The following EMID1 variants were observed in gnomAD, a reference collection of about 807,000 sequenced individuals.
The protein encoded by EMID1 is EMI domain containing 1.
Under a neutral mutation model 60.6 loss-of-function variants are expected in EMID1, and 40 were observed. The ratio of observed to expected loss-of-function variants is 0.66; its 90% CI spans 0.51 to 0.86. EMID1 has a LOEUF of 0.86. Among genes scored for constraint, EMID1 ranks in the 40% least tolerant of loss-of-function variants. The pLI, the probability that EMID1 is intolerant of heterozygous loss-of-function variation, is 0.00. For missense variants in EMID1, 585 were observed against 597.1 expected, an observed-to-expected ratio of 0.98 and a Z score of 0.21; for synonymous variants, 242 against 231.0, an observed-to-expected ratio of 1.05 and a Z score of -0.43.
chr22:29,206,059 G>A lies in EMID1; in HGVS notation c.21G>A (p.Trp7Ter), dbSNP rs2146058902. 8.1e-7 allele frequency: 1 copy of A among 1,229,398 alleles called. No homozygotes were observed. Among genetic ancestry groups the A allele is most frequent in the South Asian group, 4.1e-5 (1 of 24,300 alleles). The allele number at this position is 1,229,398 out of a possible 1,614,324, so 76.2% of individuals were successfully genotyped here. The stretch of plus-strand genomic sequence containing the variant: ...GCAGCATGGGCGGCCCGCGGGCTTG[G>A]GCGCTGCTCTGCCTCGGGCTCCTGC... Reference protein sequence around the residue: MGGPRAWALLCLGLLLP... With the variant: MGGPRA Residue 7 changes from tryptophan to a stop codon, truncating the protein, a stop_gained, in exon 1 of 15, where the codon TGG (tryptophan) becomes TGA (stop). Coordinates refer to ENST00000334018, the MANE Select transcript of EMID1 (RefSeq NM_133455.4). LOFTEE classifies it high-confidence loss of function.
At chr22:29,231,768 T>A in intron 7 of EMID1, 86 bp downstream of exon 7, 1 of 1,295,322 alleles carries the variant, frequency 7.7e-7, no homozygotes, top group African/African-American at 1.5e-5. Flanking sequence ...ATGGCCAGGA[T>A]GACCTGGGCC....
chr22:29,253,917 C>T, intron 13 of EMID1: 11 of 985,486 alleles, frequency 1.1e-5, no homozygotes, highest in South Asian at 4.7e-5. Flanking sequence ...AGATTGGCTC[C>T]CCCTGCCTTC....
intron 13 of EMID1, among the ~76,000 whole-genome samples, chr22:29,250,655 C>T (rs1442549445): frequency 4.0e-5 from 6 of 149,094 alleles, no homozygotes; most frequent in African/African-American, 1.5e-4. Context: ...CAACCTCTGC[C>T]TCCCAGGTTC....
At chr22:29,211,861 C>T (rs1418506029) in intron 1 of EMID1, among the ~76,000 whole-genome samples, 2 of 152,246 alleles carry the variant, frequency 1.3e-5, no homozygotes, top group African/African-American at 4.8e-5. Flanking sequence ...GCCTCTGAAC[C>T]CCCTTAACCT....
chr22:29,233,804 C>T, intron 10 of EMID1, 138 bp downstream of exon 10: 3 of 881,728 alleles, frequency 3.4e-6, no homozygotes, highest in Non-Finnish European at 5.2e-6. Context: ...ATTCATTCAA[C>T]AAGTATTTAT....
chr22:29,211,744 T>C (rs1252103806), intron 1 of EMID1, among the ~76,000 whole-genome samples: 2 of 152,224 alleles, frequency 1.3e-5, no homozygotes, highest in Non-Finnish European at 2.9e-5. Flanking sequence ...CTTTCCTGTC[T>C]CCAGAGCTTC....
intron 10 of EMID1, 120 bp from the exon 11 acceptor site, chr22:29,234,017 T>C: frequency 5.4e-6 from 6 of 1,111,888 alleles, no homozygotes; most frequent in South Asian, 3.1e-5. Context: ...GCTGGGTGTA[T>C]GGTGAAGAAC....
In EMID1 at chr22:29,232,280, C is replaced by CTGG; in HGVS notation, c.702_704dup (p.Gly235dup). On this transcript the variant is annotated inframe_insertion, in exon 8 of 15. Coordinates refer to ENST00000334018, the MANE Select transcript of EMID1 (RefSeq NM_133455.4). ...GGTCCACAGGGCCCCCCAGGGAGCC[C>CTGG]TGGCCGGGCTGGAGCTGTGGGCACC... is the stretch of plus-strand genomic sequence containing the variant. 1 of 1,611,548 alleles carries CTGG rather than the reference C, an allele frequency of 6.2e-7. No homozygotes were observed. Among genetic ancestry groups the CTGG allele is most frequent in the South Asian group, 1.1e-5 (1 of 91,028 alleles).
chr22:29,228,371 C>T (rs2040608265), intron 5 of EMID1, among the ~76,000 whole-genome samples: 2 of 151,940 alleles, frequency 1.3e-5, no homozygotes, highest in African/African-American at 4.8e-5. Context: ...TTAAAAAGTA[C>T]AACATTCTAA....
chr22:29,221,067 GTGTGTGT>G (rs2040274480), intron 3 of EMID1, among the ~76,000 whole-genome samples: 1 of 1,184 alleles, frequency 8.4e-4, no homozygotes, highest in Admixed American at 0.014. Context: ...GGGTGGGAAC[GTGTGTGT>G]GTGTGTGTGT....
chr22:29,242,105 T>C (rs1196731001), intron 12 of EMID1, among the ~76,000 whole-genome samples: 1 of 152,082 alleles, frequency 6.6e-6, no homozygotes, highest in East Asian at 1.9e-4. Flanking sequence ...TGTTTTTTCA[T>C]TTTTAGTAGA....
chr22:29,250,818 C>T (rs967312112), intron 13 of EMID1, among the ~76,000 whole-genome samples: 26 of 139,604 alleles, frequency 1.9e-4, no homozygotes, highest in African/African-American at 6.9e-4. Context: ...TGGTCTCAAA[C>T]TCCTGACCTC....
intron 5 of EMID1, among the ~76,000 whole-genome samples, chr22:29,226,894 C>G (rs984706672): frequency 3.3e-5 from 5 of 152,152 alleles, no homozygotes; most frequent in Non-Finnish European, 7.3e-5. Context: ...TGAGCTCCCT[C>G]CCATGGGGCT....
At chr22:29,242,781 A>G (rs973510944) in intron 12 of EMID1, among the ~76,000 whole-genome samples, 1 of 152,210 alleles carries the variant, frequency 6.6e-6, no homozygotes, top group African/African-American at 2.4e-5. Context: ...ATCCTGAGAT[A>G]GGGTCTTTCT....
chr22:29,215,865 G>T (rs758005109), intron 3 of EMID1, among the ~76,000 whole-genome samples: 20 of 152,260 alleles, frequency 1.3e-4, no homozygotes, highest in Non-Finnish European at 2.6e-4. Context: ...TATATATGCT[G>T]CATAGCTCAC....
chr22:29,251,382 A>AT lies in EMID1; in HGVS notation c.1120-2805dup, dbSNP rs59254675. ...CAGACGTGAGCCACTGCATCTGGCC[A>AT]TTTTTTTTTTTTTTTTAGAGATGGG... On this transcript the variant is annotated intron_variant, in intron 13 of 14. Transcript: ENST00000334018. 7.2e-4 allele frequency among the ~76,000 whole-genome samples: 103 copies of AT among 143,436 alleles called. 1 individual carries two copies. Among genetic ancestry groups the AT allele is most frequent in the African/African-American group, 2.3e-3 (91 of 38,970 alleles). The allele number at this position is 143,436 out of a possible 152,430, so 94.1% of individuals were successfully genotyped here.
chr22:29,228,949 G>C (rs2040629105), intron 5 of EMID1, among the ~76,000 whole-genome samples: 6 of 151,752 alleles, frequency 4.0e-5, no homozygotes, highest in Admixed American at 3.9e-4. Context: ...AGAGAAATTT[G>C]AAAACCAGGC....
intron 12 of EMID1, 69 bp downstream of exon 12, chr22:29,234,418 C>A: frequency 6.5e-7 from 1 of 1,537,752 alleles, no homozygotes; most frequent in South Asian, 1.2e-5. Flanking sequence ...TCCTGTGACT[C>A]CATCCCCTGC....
intron 3 of EMID1, among the ~76,000 whole-genome samples, chr22:29,219,622 A>C (rs1185815558): frequency 6.6e-6 from 1 of 152,026 alleles, no homozygotes; most frequent in African/African-American, 2.4e-5. Flanking sequence ...TCAAAAAAAA[A>C]AGTTAAAAAA....
Sources: allele counts gnomAD v4.1 joint callset (sites outside exome capture counted in the v4.1 genomes callset), GRCh38; gene constraint gnomAD v4.1.1; transcripts MANE v1.5; gene names NCBI Gene and HGNC (gene_info 2026-07-23, HGNC 2026-07-21).